Variants in TANK observed in about 807,000 individuals in gnomAD.
TANK encodes TRAF family member associated NFKB activator.
A neutral mutation model predicts 43.6 loss-of-function variants in TANK; 15 were observed. The ratio of observed to expected loss-of-function variants is 0.34; its 90% CI spans 0.23 to 0.53. TANK has a LOEUF of 0.53. Among genes scored for constraint, TANK ranks in the 20% least tolerant of loss-of-function variants. The pLI, the probability that TANK is intolerant of heterozygous loss-of-function variation, is 0.94. For synonymous variants in TANK, 162 were observed against 178.2 expected (o/e 0.91, Z 0.73); for missense variants, 417 against 498.6 (o/e 0.84, Z 1.56).
chr2:161,210,558 G>T (rs371037392), intron 4 of TANK, among the ~76,000 whole-genome samples: 1 of 151,890 alleles, frequency 6.6e-6, no homozygotes, highest in Admixed American at 6.6e-5. Flanking sequence ...TTAGCCGGGC[G>T]TGGTGGCAGG....
At chr2:161,146,410 T>C (rs1190462723) in intron 1 of TANK, among the ~76,000 whole-genome samples, 1 of 152,230 alleles carries the variant, frequency 6.6e-6, no homozygotes, top group Non-Finnish European at 1.5e-5. Flanking sequence ...TCTGACCTTT[T>C]GGGTTTTCAG....
chr2:161,207,695 A>G (rs952604779), intron 4 of TANK: 1 of 985,186 alleles, frequency 1.0e-6, no homozygotes, highest in African/African-American at 1.7e-5. Flanking sequence ...GTTGATCTAT[A>G]CTTAGTGAGT....
intron 1 of TANK, among the ~76,000 whole-genome samples, chr2:161,154,850 T>G (rs1684181091): frequency 6.6e-6 from 1 of 151,944 alleles, no homozygotes; most frequent in South Asian, 2.1e-4. Context: ...GTGCAAATGA[T>G]TCTTGTGCCT....
intron 1 of TANK, among the ~76,000 whole-genome samples, chr2:161,144,545 A>G (rs1189739808): frequency 6.6e-6 from 1 of 152,090 alleles, no homozygotes; most frequent in Admixed American, 6.6e-5. Context: ...TTTCTGCCTT[A>G]ATTTCATTAT....
chr2:161,192,266 T>G (rs558001614), intron 2 of TANK, among the ~76,000 whole-genome samples: 2 of 152,296 alleles, frequency 1.3e-5, no homozygotes, highest in South Asian at 2.1e-4. Context: ...AACTTACATA[T>G]TCACCATTTT....
At chr2:161,191,711 T>C (rs1441328814) in intron 2 of TANK, among the ~76,000 whole-genome samples, 1 of 152,220 alleles carries the variant, frequency 6.6e-6, no homozygotes, top group Non-Finnish European at 1.5e-5. Flanking sequence ...AAATTGTCAA[T>C]AGTCTTTCAG....
intron 1 of TANK, among the ~76,000 whole-genome samples, chr2:161,168,263 A>ATTT: frequency 6.6e-6 from 1 of 152,306 alleles, no homozygotes. Flanking sequence ...AGGGAAGTTC[A>ATTT]TTTTAAAAGG....
intron 4 of TANK, among the ~76,000 whole-genome samples, chr2:161,217,211 G>T (rs1250475659): frequency 6.6e-6 from 1 of 152,174 alleles, no homozygotes; most frequent in East Asian, 1.9e-4. Flanking sequence ...GAGAGGGGCA[G>T]CTCCAATCTC....
intron 1 of TANK, among the ~76,000 whole-genome samples, chr2:161,174,324 C>T (rs1477478522): frequency 6.6e-6 from 1 of 152,026 alleles, no homozygotes. Flanking sequence ...CAGTAATTTT[C>T]ACAGTATTAC....
chr2:161,185,829 A>G (rs1005498734), intron 2 of TANK, among the ~76,000 whole-genome samples: 1 of 152,112 alleles, frequency 6.6e-6, no homozygotes, highest in Non-Finnish European at 1.5e-5. Context: ...AACCTGCACA[A>G]TGTGCACATG....
chr2:161,157,019 C>T (rs1163192079), upstream of TANK, among the ~76,000 whole-genome samples: 1 of 152,148 alleles, frequency 6.6e-6, no homozygotes, highest in Non-Finnish European at 1.5e-5. Flanking sequence ...ATTCTCTAGG[C>T]CGTAGCTCCA....
intron 2 of TANK, among the ~76,000 whole-genome samples, chr2:161,188,634 A>G (rs1685773506): frequency 6.6e-6 from 1 of 152,212 alleles, no homozygotes; most frequent in African/African-American, 2.4e-5. Context: ...AGTCTCTTCC[A>G]AAAACTTGAA....
At chr2:161,185,078 TAGG>T (rs1259891482) in intron 2 of TANK, among the ~76,000 whole-genome samples, 4 of 152,050 alleles carry the variant, frequency 2.6e-5, no homozygotes, top group Non-Finnish European at 4.4e-5. Flanking sequence ...TTGAGACGCA[TAGG>T]AAGAGAACTT....
chr2:161,206,430 T>C (rs1686656209), intron 4 of TANK, among the ~76,000 whole-genome samples: 1 of 152,144 alleles, frequency 6.6e-6, no homozygotes, highest in Non-Finnish European at 1.5e-5. Flanking sequence ...GATTTTCACT[T>C]TGTTAGGGTT....
chr2:161,173,016 C>T (rs1166047281), intron 1 of TANK, among the ~76,000 whole-genome samples: 1 of 152,136 alleles, frequency 6.6e-6, no homozygotes, highest in East Asian at 1.9e-4. Flanking sequence ...GAAAATCTCT[C>T]ATTACTCCTT....
At chr2:161,226,727 CT>C (rs1198244078) in intron 6 of TANK, among the ~76,000 whole-genome samples, 1 of 152,010 alleles carries the variant, frequency 6.6e-6, no homozygotes, top group Non-Finnish European at 1.5e-5. Context: ...TGGCAGTAGA[CT>C]TAAGAAATGA....
intron 2 of TANK, chr2:161,180,088 A>G: frequency 9.8e-7 from 1 of 1,017,566 alleles, no homozygotes; most frequent in Non-Finnish European, 1.2e-6. Context: ...ATGACACAGA[A>G]GTATCACTGT....
At position 161,179,626 on chromosome 2, in the gene TANK, C is replaced by T. The variant is rs373129217; in HGVS notation, c.-37C>T. On this transcript the variant is annotated 5_prime_UTR_variant, in exon 2 of 8. Transcript: ENST00000392749. ...CATTATTTTGCAGACCTGTCATTTA[C>T]TCCATCCTTTATAGTGATGCTACAG... 1.2e-6 allele frequency: 2 copies of T among 1,609,188 alleles called. No homozygotes were observed. The highest frequency in any genetic ancestry group is 1.7e-5 in the Admixed American group (1 of 59,366).
chr2:161,187,084 G>C (rs1685695275), intron 2 of TANK, among the ~76,000 whole-genome samples: 1 of 152,164 alleles, frequency 6.6e-6, no homozygotes, highest in Non-Finnish European at 1.5e-5. Context: ...ATAACCAAAA[G>C]AGAGCAAGAG....
Sources: gnomAD v4.1 joint callset for allele counts (sites outside exome capture counted in the v4.1 genomes callset) on GRCh38, gnomAD v4.1.1 for gene constraint, MANE v1.5 for transcripts, NCBI Gene and HGNC (gene_info 2026-07-23, HGNC 2026-07-21) for gene names.